The following SVOPL variants were observed in gnomAD, a reference collection of about 807,000 sequenced individuals.
The protein encoded by SVOPL is putative transporter SVOPL.
A neutral mutation model predicts 61.0 loss-of-function variants in SVOPL; 60 were observed. That is an observed-to-expected ratio of 0.98 (90% confidence interval 0.80 to 1.22). SVOPL has a LOEUF of 1.22. SVOPL is among the 50% of genes most tolerant of loss of function. The pLI is 0.00. For missense variants in SVOPL, 662 were observed against 643.9 expected, an observed-to-expected ratio of 1.03 and a Z score of -0.30; for synonymous variants, 279 against 250.0, an observed-to-expected ratio of 1.12 and a Z score of -1.09.
chr7:138,691,551 T>G (rs945135583), intron 1 of SVOPL, among the ~76,000 whole-genome samples: 7 of 152,176 alleles, frequency 4.6e-5, no homozygotes, highest in Non-Finnish European at 7.3e-5. Context: ...CTGTCGTTGT[T>G]GTTTTTGAGA....
At chr7:138,599,463 T>A (rs902797825) in intron 14 of SVOPL, among the ~76,000 whole-genome samples, 6 of 152,220 alleles carry the variant, frequency 3.9e-5, no homozygotes, top group Non-Finnish European at 8.8e-5. Flanking sequence ...TTTAATCATT[T>A]GAGGGGTGAC....
At chr7:138,666,569 T>C (rs1802268787) in intron 4 of SVOPL, among the ~76,000 whole-genome samples, 1 of 152,156 alleles carries the variant, frequency 6.6e-6, no homozygotes, top group South Asian at 2.1e-4. Flanking sequence ...TCAAGCTGAT[T>C]TACAACCCAG....
intron 4 of SVOPL, among the ~76,000 whole-genome samples, chr7:138,666,177 T>C (rs765221690): frequency 6.6e-6 from 1 of 152,214 alleles, no homozygotes; most frequent in African/African-American, 2.4e-5. Context: ...ACTCTCGACT[T>C]TCCTTGCCTT....
chr7:138,630,726 T>C (rs1484677421), intron 9 of SVOPL, among the ~76,000 whole-genome samples: 1 of 152,134 alleles, frequency 6.6e-6, no homozygotes, highest in Non-Finnish European at 1.5e-5. Context: ...GCGGATCACC[T>C]GAGGTCAGGA....
chr7:138,627,242 C>A (rs781517223), intron 12 of SVOPL, 108 bp downstream of exon 12: 2 of 787,768 alleles, frequency 2.5e-6, no homozygotes, highest in Non-Finnish European at 4.1e-6. Context: ...CCATTCTCTA[C>A]TCTCCTGGGT....
chr7:138,620,103 TTTTTGTTTTTTTTCTG>T (rs1162738978), intron 14 of SVOPL, among the ~76,000 whole-genome samples: 3 of 147,156 alleles, frequency 2.0e-5, no homozygotes, highest in Non-Finnish European at 4.4e-5. Context: ...TTTTTTTTCT[TTTTTGTTTTTTTTCTG>T]TTTTGTTTTT....
At chr7:138,670,533 A>G (rs865951766) in intron 4 of SVOPL, among the ~76,000 whole-genome samples, 1 of 152,126 alleles carries the variant, frequency 6.6e-6, no homozygotes, top group Non-Finnish European at 1.5e-5. Flanking sequence ...AAGCAGACTC[A>G]GCATACTTGG....
At chr7:138,615,234 A>C (rs1799236654) in intron 14 of SVOPL, among the ~76,000 whole-genome samples, 1 of 152,026 alleles carries the variant, frequency 6.6e-6, no homozygotes, top group Non-Finnish European at 1.5e-5. Context: ...ATGGTGGAGC[A>C]CTCATGAATG....
At position 138,602,230 on chromosome 7, in the gene SVOPL, C is replaced by T. The variant is rs913517764; in HGVS notation, c.1354-5700G>A. Among the ~76,000 whole-genome samples, 138 of 152,198 alleles carry T rather than the reference C, an allele frequency of 9.1e-4. 1 individual carries two copies. Among genetic ancestry groups the T allele is most frequent in the African/African-American group, 3.1e-3 (127 of 41,538 alleles). ...CCCATCTCTTGAAAAAAAATACTCA[C>T]ATGTGGACAAAGGCGTGTTGTGCAT... On this transcript the variant is annotated intron_variant, in intron 14 of 15. Coordinates refer to ENST00000674285, the MANE Select transcript of SVOPL (RefSeq NM_001139456.2).
intron 1 of SVOPL, 116 bp downstream of exon 1, chr7:138,701,062 G>A (rs1340388063): frequency 6.6e-6 from 1 of 152,106 alleles, no homozygotes; most frequent in Non-Finnish European, 1.5e-5. Flanking sequence ...AATATCCAAG[G>A]AAATTTTCAT....
At chr7:138,605,720 G>A (rs1798728932) in intron 14 of SVOPL, among the ~76,000 whole-genome samples, 1 of 150,984 alleles carries the variant, frequency 6.6e-6, no homozygotes, top group Non-Finnish European at 1.5e-5. Flanking sequence ...AACAGTCCCA[G>A]TCACCATCCA....
chr7:138,643,844 T>C (rs1435422190), intron 9 of SVOPL, among the ~76,000 whole-genome samples: 1 of 152,138 alleles, frequency 6.6e-6, no homozygotes, highest in Non-Finnish European at 1.5e-5. Flanking sequence ...TATGGTTTCA[T>C]GACAATACAA....
intron 13 of SVOPL, among the ~76,000 whole-genome samples, chr7:138,624,212 A>C (rs1244370573): frequency 6.6e-6 from 1 of 152,190 alleles, no homozygotes; most frequent in South Asian, 2.1e-4. Flanking sequence ...AGTAAAATTT[A>C]TTGTCAAAAA....
intron 12 of SVOPL, among the ~76,000 whole-genome samples, chr7:138,626,317 C>A (rs1015231316): frequency 1.3e-5 from 2 of 152,204 alleles, no homozygotes; most frequent in Admixed American, 1.3e-4. Flanking sequence ...GTGGCTCACA[C>A]CTGTAATCCC....
rs111789313 is a variant in SVOPL, at chr7:138,663,842, C to T, written c.274-697G>A. Among the ~76,000 whole-genome samples the T allele has an allele frequency of 2.0e-3, 306 of 152,262 alleles. 1 individual carries two copies. Among genetic ancestry groups the T allele is most frequent in the Admixed American group, 4.1e-3 (63 of 15,296 alleles). ...GGCAATCAAAGGAATGCTGTCAGCT[C>T]GCATTTCTAGGGGAAAACAAAACAA... On this transcript the variant is annotated intron_variant, in intron 4 of 15. Transcript: ENST00000674285.
intron 1 of SVOPL, among the ~76,000 whole-genome samples, chr7:138,684,364 CAA>C (rs34602180): frequency 2.3e-4 from 26 of 112,470 alleles, no homozygotes; most frequent in Admixed American, 3.1e-4. Context: ...GACTCCATCT[CAA>C]AAAAAAAAAA....
chr7:138,694,246 G>A (rs1181885531), intron 1 of SVOPL, among the ~76,000 whole-genome samples: 1 of 152,116 alleles, frequency 6.6e-6, no homozygotes, highest in Admixed American at 6.6e-5. Context: ...CCACACTGTT[G>A]GGTTTTTTTT....
intron 9 of SVOPL, among the ~76,000 whole-genome samples, chr7:138,632,425 A>T (rs1047853339): frequency 4.0e-5 from 6 of 151,460 alleles, no homozygotes; most frequent in Non-Finnish European, 8.8e-5. Flanking sequence ...CAAGAGCAAG[A>T]CTCCATCTCA....
intron 3 of SVOPL, among the ~76,000 whole-genome samples, chr7:138,672,645 T>TTTTTG (rs201654426): frequency 0.047 from 5,751 of 123,136 alleles, 420 homozygotes; most frequent in East Asian, 0.23. Flanking sequence ...GAAAGTGTTT[T>TTTTTG]TTTTTGTGTT....
Sources: gnomAD v4.1 joint callset for allele counts (sites outside exome capture counted in the v4.1 genomes callset) on GRCh38, gnomAD v4.1.1 for gene constraint, MANE v1.5 for transcripts, NCBI Gene and HGNC (gene_info 2026-07-23, HGNC 2026-07-21) for gene names.